Variants in FAM91A1 observed in about 807,000 individuals in gnomAD.
The protein encoded by FAM91A1 is family with sequence similarity 91 member A1.
FAM91A1 carries 41 observed loss-of-function variants against 113.5 expected under a neutral mutation model. The ratio of observed to expected loss-of-function variants is 0.36; its 90% CI spans 0.28 to 0.47. The LOEUF is 0.47. Ranked by LOEUF, FAM91A1 falls within the 20% of genes least tolerant of loss-of-function variation. The probability of loss-of-function intolerance (pLI) is 1.00; values close to 1 mark genes in which losing one functional copy is unlikely to be tolerated. For missense variants in FAM91A1, 696 were observed against 1,001.2 expected (o/e 0.70, Z 4.11); for synonymous variants, 307 against 347.9 (o/e 0.88, Z 1.31).
chr8:123,789,311 G>T (rs1815327925), intron 14 of FAM91A1, among the ~76,000 whole-genome samples: 1 of 152,142 alleles, frequency 6.6e-6, no homozygotes, highest in Non-Finnish European at 1.5e-5. Flanking sequence ...CAGAATACGG[G>T]TTTTAGAGTT....
intron 12 of FAM91A1, 89 bp downstream of exon 12, chr8:123,786,699 G>A: frequency 1.9e-6 from 2 of 1,043,262 alleles, no homozygotes; most frequent in Admixed American, 1.9e-5. Context: ...TCTAATTTTA[G>A]TTTAGATTTT....
intron 15 of FAM91A1, among the ~76,000 whole-genome samples, chr8:123,790,564 A>G (rs1314617086): frequency 2.0e-5 from 3 of 152,206 alleles, no homozygotes; most frequent in African/African-American, 7.2e-5. Context: ...CATTTACCTA[A>G]AAACTATTTT....
At chr8:123,781,050 T>G (rs1304051477) in intron 8 of FAM91A1, among the ~76,000 whole-genome samples, 1 of 152,210 alleles carries the variant, frequency 6.6e-6, no homozygotes, top group African/African-American at 2.4e-5. Context: ...CCATTTTGTA[T>G]TTCTGGTAAT....
At position 123,814,693 on chromosome 8, in the gene FAM91A1, C is replaced by T. The variant is rs151160524; in HGVS notation, c.*1989C>T. On this transcript the variant is annotated 3_prime_UTR_variant, in exon 24 of 24. Coordinates refer to ENST00000334705, the MANE Select transcript of FAM91A1 (RefSeq NM_144963.4). ...AATCATCTGATTCCGAGCTGAAGAC[C>T]TCTGGTCCTCTTAAGGAGGGAGAGT... 2 of 152,450 alleles carry T rather than the reference C, an allele frequency of 1.3e-5. No individual in the cohort carries two copies. Among genetic ancestry groups the T allele is most frequent in the East Asian group, 1.9e-4 (1 of 5,184 alleles). 9.4% of individuals were successfully genotyped at this position (152,450 alleles called of 1,614,324 possible).
At chr8:123,807,262 C>T (rs1435938617) in intron 20 of FAM91A1, among the ~76,000 whole-genome samples, 5 of 151,988 alleles carry the variant, frequency 3.3e-5, no homozygotes, top group African/African-American at 7.2e-5. Flanking sequence ...CATTTCAAAG[C>T]GTATCTACTA....
chr8:123,785,350 C>T (rs1177685444), intron 10 of FAM91A1, among the ~76,000 whole-genome samples: 2 of 152,188 alleles, frequency 1.3e-5, no homozygotes, highest in Non-Finnish European at 2.9e-5. Context: ...ATGCAAGAAG[C>T]AGCCCAAGCA....
intron 15 of FAM91A1, among the ~76,000 whole-genome samples, chr8:123,793,148 G>A (rs1169372534): frequency 6.6e-6 from 1 of 152,104 alleles, no homozygotes; most frequent in Non-Finnish European, 1.5e-5. Flanking sequence ...CACACCCCAT[G>A]CTTTCCATCT....
chr8:123,805,171 A>G lies in FAM91A1; in HGVS notation c.1810-96A>G, dbSNP rs369597590. On this transcript the variant is annotated intron_variant, in intron 18 of 23. Transcript: ENST00000334705. ...AATTTTGATGAGGTATTAATATGGA[A>G]TATACCATTACATGACACAATCTTA... 3 of 954,802 alleles carry G rather than the reference A, an allele frequency of 3.1e-6. No individual in the cohort carries two copies. In the African/African-American group the frequency reaches 5.0e-5, roughly 16 times the overall value. The allele number at this position is 954,802 out of a possible 1,614,324, so 59.1% of individuals were successfully genotyped here.
In FAM91A1 at chr8:123,812,756, G is replaced by A. The variant is rs539804433; in HGVS notation, c.*52G>A. ...CTTTCTGCCTTTTTTCTTTCTTAAC[G>A]TTAGCTTTATAGTGTCAGCCACTAA... On this transcript the variant is annotated 3_prime_UTR_variant, in exon 24 of 24. Coordinates refer to ENST00000334705, the MANE Select transcript of FAM91A1 (RefSeq NM_144963.4). 3.4e-5 allele frequency: 48 copies of A among 1,428,272 alleles called. No homozygotes were observed. Among genetic ancestry groups the A allele is most frequent in the South Asian group, 6.4e-5 (4 of 62,728 alleles). 88.5% of individuals were successfully genotyped at this position (1,428,272 alleles called of 1,614,324 possible). A position where few individuals can be genotyped will look rare whatever the true frequency, so the allele number is the denominator to read the frequency against.
intron 1 of FAM91A1, among the ~76,000 whole-genome samples, chr8:123,771,597 A>G (rs1170880679): frequency 6.6e-6 from 1 of 152,184 alleles, no homozygotes; most frequent in Admixed American, 6.5e-5. Flanking sequence ...GGATGGGGCC[A>G]TTATTTCAGG....
intron 23 of FAM91A1, among the ~76,000 whole-genome samples, 191 bp from the exon 24 acceptor site, chr8:123,812,328 A>C (rs1283405408): frequency 6.6e-6 from 1 of 152,116 alleles, no homozygotes; most frequent in Non-Finnish European, 1.5e-5. Context: ...TAACGTTGTT[A>C]GTCATTTTTG....
At chr8:123,781,428 G>A (rs1165320278) in intron 8 of FAM91A1, among the ~76,000 whole-genome samples, 2 of 148,176 alleles carry the variant, frequency 1.3e-5, no homozygotes, top group East Asian at 4.0e-4. Flanking sequence ...GTTGGCATAT[G>A]TTTGTGATTC....
chr8:123,775,372 C>T (rs894036738), intron 3 of FAM91A1, 74 bp downstream of exon 3: 7 of 1,532,360 alleles, frequency 4.6e-6, no homozygotes, highest in African/African-American at 2.7e-5. Flanking sequence ...CAGATGTTCA[C>T]CAGCTCTTCA....
At position 123,786,680 on chromosome 8, in the gene FAM91A1, C is replaced by T. The variant is rs773004088; in HGVS notation, c.1078+70C>T. 8.1e-6 allele frequency: 9 copies of T among 1,110,680 alleles called. 1 individual carries two copies. The highest frequency in any genetic ancestry group is 5.5e-5 in the Admixed American group (3 of 54,910). 68.8% of individuals were successfully genotyped at this position (1,110,680 alleles called of 1,614,324 possible). A position where few individuals can be genotyped will look rare whatever the true frequency, so the allele number is the denominator to read the frequency against. On this transcript the variant is annotated intron_variant, in intron 12 of 23. Transcript: ENST00000334705. ...GCACATGTCCAAACATACACTCTTA[C>T]AGTTACCTTCTAATTTTAGTTTAGA...
chr8:123,800,936 T>C (rs1490659166), intron 18 of FAM91A1, among the ~76,000 whole-genome samples: 1 of 152,188 alleles, frequency 6.6e-6, no homozygotes, highest in Non-Finnish European at 1.5e-5. Flanking sequence ...TTGATGGACA[T>C]GTGGGTTGTT....
intron 5 of FAM91A1, 40 bp from the exon 6 acceptor site, chr8:123,778,617 TAG>T: frequency 7.5e-7 from 1 of 1,332,326 alleles, no homozygotes; most frequent in African/African-American, 1.4e-5. Flanking sequence ...AAGAAAGTGG[TAG>T]TTTTAGATTG....
intron 18 of FAM91A1, among the ~76,000 whole-genome samples, chr8:123,804,713 T>C (rs1046446319): frequency 6.6e-6 from 1 of 152,138 alleles, no homozygotes; most frequent in Non-Finnish European, 1.5e-5. Flanking sequence ...GATCTTTCCA[T>C]TGCAGGTCAT....
chr8:123,787,545 C>T, intron 13 of FAM91A1, 119 bp from the exon 14 acceptor site: 1 of 986,012 alleles, frequency 1.0e-6, no homozygotes, highest in Non-Finnish European at 1.5e-6. Flanking sequence ...GAAGAATTAG[C>T]CCCTCACCCC....
At chr8:123,772,732 G>A (rs536851811) in intron 1 of FAM91A1, among the ~76,000 whole-genome samples, 8 of 152,194 alleles carry the variant, frequency 5.3e-5, no homozygotes, top group African/African-American at 1.2e-4. Context: ...TGACTTCCCC[G>A]GAAGTTAACT....
Sources: allele counts gnomAD v4.1 joint callset (sites outside exome capture counted in the v4.1 genomes callset), GRCh38; gene constraint gnomAD v4.1.1; transcripts MANE v1.5; gene names NCBI Gene and HGNC (gene_info 2026-07-23, HGNC 2026-07-21).